The following PRKAR1B variants were observed in gnomAD, a reference collection of about 807,000 sequenced individuals.
The protein encoded by PRKAR1B is cAMP-dependent protein kinase type I-beta regulatory subunit.
PRKAR1B carries 22 observed loss-of-function variants against 46.5 expected under a neutral mutation model. The ratio of observed to expected loss-of-function variants is 0.47; its 90% confidence interval spans 0.34 to 0.68. The LOEUF (loss-of-function observed/expected upper bound fraction) is 0.68. Ranked by LOEUF, PRKAR1B falls within the 30% of genes least tolerant of loss-of-function variation. The pLI is 0.01. For missense variants in PRKAR1B, 445 were observed against 535.6 expected, an observed-to-expected ratio of 0.83 and a Z score of 1.67; for synonymous variants, 259 against 217.7, an observed-to-expected ratio of 1.19 and a Z score of -1.67.
At chr7:721,943 T>C (rs1177706359) in intron 1 of PRKAR1B, among the ~76,000 whole-genome samples, 3 of 152,136 alleles carry the variant, frequency 2.0e-5, no homozygotes, top group African/African-American at 7.2e-5. Flanking sequence ...TCTCTGTCAG[T>C]TAGTACTTTT....
At position 560,602 on chromosome 7, in the gene PRKAR1B, G is replaced by C. The variant is rs9770798; in HGVS notation, c.892-9132C>G. Reference sequence around the variant, plus strand: ...GGGCCAGGTCATCAGCACCAAAATCGGGCCGCAGACCAAGAGTCGAAGAGT... The same window carrying C: ...GGGCCAGGTCATCAGCACCAAAATCCGGCCGCAGACCAAGAGTCGAAGAGT... On this transcript the variant is annotated intron_variant, in intron 9 of 10. Coordinates refer to ENST00000537384, the MANE Select transcript of PRKAR1B (RefSeq NM_001164760.2). This position sits in a 1 kb window ranked among gnomAD's most constrained non-coding sequence, Gnocchi z 4.2. 8.0e-4 allele frequency among the ~76,000 whole-genome samples: 121 copies of C among 152,184 alleles called. No individual in the cohort carries two copies. Among genetic ancestry groups the C allele is most frequent in the African/African-American group, 2.5e-3 (104 of 41,500 alleles).
intron 9 of PRKAR1B, among the ~76,000 whole-genome samples, chr7:555,905 TGGGC>T (rs1258984701): frequency 2.0e-5 from 3 of 152,156 alleles, no homozygotes; most frequent in Admixed American, 6.5e-5. Context: ...CCAGGCAGCG[TGGGC>T]TTGCATCCAG....
At chr7:595,548 C>A (rs1016468933) in intron 7 of PRKAR1B, among the ~76,000 whole-genome samples, 1 of 152,120 alleles carries the variant, frequency 6.6e-6, no homozygotes, top group Non-Finnish European at 1.5e-5. Context: ...AAGGGTCCTC[C>A]CCGGGCTCCC....
chr7:601,019 C>A (rs1027405777), intron 6 of PRKAR1B, among the ~76,000 whole-genome samples: 1 of 152,224 alleles, frequency 6.6e-6, no homozygotes, highest in African/African-American at 2.4e-5. Context: ...GGCCGTCCCC[C>A]TGGACGCTGC....
chr7:625,520 C>A (rs1454855464), intron 4 of PRKAR1B, among the ~76,000 whole-genome samples: 2 of 151,976 alleles, frequency 1.3e-5, no homozygotes, highest in Non-Finnish European at 2.9e-5. Context: ...GTCCCATGGA[C>A]AAGAGACATC....
chr7:556,375 T>C (rs1302166793), intron 9 of PRKAR1B, among the ~76,000 whole-genome samples: 1 of 116,884 alleles, frequency 8.6e-6, no homozygotes, highest in Non-Finnish European at 1.6e-5. Context: ...GAGTTTCCAC[T>C]GCGACGTGGG....
At chr7:676,329 C>T (rs745687037) in intron 4 of PRKAR1B, among the ~76,000 whole-genome samples, 1 of 152,230 alleles carries the variant, frequency 6.6e-6, no homozygotes, top group Non-Finnish European at 1.5e-5. Flanking sequence ...TCCTCTGTCC[C>T]CTCACTGCGA....
intron 4 of PRKAR1B, among the ~76,000 whole-genome samples, chr7:639,306 C>T (rs769257216): frequency 1.1e-4 from 16 of 152,130 alleles, no homozygotes; most frequent in Non-Finnish European, 2.1e-4. Flanking sequence ...TGATTTCCAA[C>T]CAGGGTGCCA....
intron 6 of PRKAR1B, among the ~76,000 whole-genome samples, chr7:598,216 T>G (rs1244469794): frequency 7.9e-5 from 11 of 139,138 alleles, no homozygotes; most frequent in African/African-American, 3.2e-4. Context: ...CTAAACACCA[T>G]CACCCTCCAG....
rs537074963 is a variant in PRKAR1B at position 629,079 on chromosome 7, G to A, written c.441-21627C>T. Among the ~76,000 whole-genome samples, 24 of 152,370 alleles carry A rather than the reference G, an allele frequency of 1.6e-4. No individual in the cohort carries two copies. The East Asian group carries it at 2.5e-3, about 16-fold the overall frequency. On this transcript the variant is annotated intron_variant, in intron 4 of 10. Transcript: ENST00000537384. ...GTGACAGAGCCCGCTCCGTGCAGAA[G>A]ATGAGAAGCCCTGGAGACATTCCCA...
chr7:638,763 C>A (rs1007043152), intron 4 of PRKAR1B, among the ~76,000 whole-genome samples: 2 of 152,184 alleles, frequency 1.3e-5, no homozygotes, highest in Non-Finnish European at 1.5e-5. Flanking sequence ...CACACTCTTA[C>A]AACTGCTAAG....
rs111465642 is a variant in PRKAR1B, at chr7:551,216, C to A, written c.973+173G>T. On this transcript the variant is annotated intron_variant, in intron 10 of 10. Transcript: ENST00000537384. ...GGACCCAGACCTGGCCCTGGGACTT[C>A]AATTTGGGGGAACAGGACTGAGCCT... Among the ~76,000 whole-genome samples the A allele has an allele frequency of 0.013, 1,994 of 152,218 alleles. 71 individuals carry two copies. The East Asian group carries it at 0.15, about 12-fold the overall frequency.
chr7:704,144 A>G (rs1401763992), intron 2 of PRKAR1B, among the ~76,000 whole-genome samples: 1 of 152,194 alleles, frequency 6.6e-6, no homozygotes, highest in Non-Finnish European at 1.5e-5. Flanking sequence ...TTTCACCTTA[A>G]GAAATTTTAT....
intron 8 of PRKAR1B, among the ~76,000 whole-genome samples, chr7:581,277 T>C (rs1318648728): frequency 7.4e-6 from 1 of 134,592 alleles, no homozygotes; most frequent in Admixed American, 8.6e-5. Flanking sequence ...ACCTCCAGCC[T>C]GGGCAACAGA....
intron 8 of PRKAR1B, among the ~76,000 whole-genome samples, chr7:583,230 A>G (rs1583244351): frequency 1.3e-5 from 2 of 152,150 alleles, no homozygotes; most frequent in South Asian, 4.1e-4. Flanking sequence ...TTTTACCACA[A>G]TGGAAAGACC....
intron 6 of PRKAR1B, among the ~76,000 whole-genome samples, chr7:601,012 C>T (rs1046550842): frequency 6.6e-6 from 1 of 152,198 alleles, no homozygotes; most frequent in Non-Finnish European, 1.5e-5. Context: ...GTCACCTGGC[C>T]GTCCCCCTGG....
chr7:676,804 G>C (rs1778336352), intron 4 of PRKAR1B, among the ~76,000 whole-genome samples: 1 of 149,498 alleles, frequency 6.7e-6, no homozygotes, highest in Non-Finnish European at 1.5e-5. Context: ...ATTCCCAGGA[G>C]AGCAACGGGG....
At position 679,897 on chromosome 7, in the gene PRKAR1B, G is replaced by A. The variant is rs529987931; in HGVS notation, c.348+659C>T. Among the ~76,000 whole-genome samples the A allele has an allele frequency of 3.3e-5, 5 of 152,266 alleles. No homozygotes were observed. In the South Asian group the frequency reaches 6.2e-4, roughly 19 times the overall value. ...AGAGATGCTGGGCATGGTGGCTCAC[G>A]CCCGTAACCCCAGCACTTTGGGAGG... On this transcript the variant is annotated intron_variant, in intron 3 of 10. Transcript: ENST00000537384.
In PRKAR1B at chr7:550,551, C is replaced by T. The variant is rs922802389; in HGVS notation, c.1025G>A (p.Arg342Gln). 7 of 1,599,156 alleles carry T rather than the reference C, an allele frequency of 4.4e-6. No homozygotes were observed. The highest frequency in any genetic ancestry group is 2.2e-5 in the South Asian group (2 of 89,342). Residue 342 changes from arginine to glutamine, a missense_variant, in exon 11 of 11, where the codon CGG (arginine) becomes CAG (glutamine). Transcript: ENST00000537384. ...NRPRAATVVA[R>Q]GPLKCVKLDR... is the part of the protein sequence containing the mutation. Reference sequence around the variant, plus strand: ...CAGCTTCACACACTTGAGGGGCCCCCGGGCCACGACAGTGGCCGCCCGGGG... The same window carrying T: ...CAGCTTCACACACTTGAGGGGCCCCTGGGCCACGACAGTGGCCGCCCGGGG...
Sources: gnomAD v4.1 joint callset for allele counts (sites outside exome capture counted in the v4.1 genomes callset) on GRCh38, gnomAD v4.1.1 for gene constraint, Gnocchi (gnomAD v3.1) non-coding constraint, MANE v1.5 for transcripts, NCBI Gene and HGNC (gene_info 2026-07-23, HGNC 2026-07-21) for gene names.